BTC: variants seen among roughly 807,000 people sequenced by gnomAD.
BTC encodes the protein probetacellulin.
A neutral mutation model predicts 18.1 loss-of-function variants in BTC; 13 were observed. The observed-to-expected ratio is 0.72, with a 90% CI of 0.47 to 1.14. The LOEUF (loss-of-function observed/expected upper bound fraction) is 1.14, where lower values mean the gene tolerates loss of function less well. Among genes scored for constraint, BTC ranks in the 50% most tolerant of loss-of-function variants. BTC has a pLI of 0.00. For synonymous variants in BTC, 83 were observed against 79.4 expected, an observed-to-expected ratio of 1.05 and a Z score of -0.24; for missense variants, 247 against 224.2, an observed-to-expected ratio of 1.10 and a Z score of -0.65.
Position 74,794,248 on chromosome 4 carries a change from G to T in BTC, c.64+14C>A, listed in dbSNP as rs1435022031. On this transcript the variant is annotated intron_variant, in intron 1 of 5. Coordinates refer to ENST00000395743, the MANE Select transcript of BTC (RefSeq NM_001729.4). ...CTTTCCTCCTGGTTTCCAGTGCCCA[G>T]CACGGCCACTTACCCAGGGCAAGGG... The T allele has an allele frequency of 3.2e-6, 5 of 1,550,014 alleles. No individual in the cohort carries two copies. Among genetic ancestry groups the T allele is most frequent in the Non-Finnish European group, 4.4e-6 (5 of 1,146,760 alleles).
At position 74,794,248 on chromosome 4, in the gene BTC, G is replaced by A; in HGVS notation, c.64+14C>T. On this transcript the variant is annotated intron_variant, in intron 1 of 5. Transcript: ENST00000395743. ...CTTTCCTCCTGGTTTCCAGTGCCCA[G>A]CACGGCCACTTACCCAGGGCAAGGG... 6.5e-7 allele frequency: 1 copy of A among 1,550,134 alleles called. No homozygotes were observed.
intron 1 of BTC, among the ~76,000 whole-genome samples, chr4:74,783,462 T>G (rs1725391698): frequency 6.6e-6 from 1 of 152,138 alleles, no homozygotes; most frequent in Non-Finnish European, 1.5e-5. Flanking sequence ...GGTCTATGTG[T>G]CTGTTCTTGT....
chr4:74,755,681 G>A (rs574844362), intron 3 of BTC, among the ~76,000 whole-genome samples, 178 bp downstream of exon 3: 8 of 152,330 alleles, frequency 5.3e-5, no homozygotes, highest in East Asian at 1.9e-4. Flanking sequence ...GAAAGTGTGC[G>A]TCAGTTTCTC....
At chr4:74,787,397 C>T (rs1469693351) in intron 1 of BTC, among the ~76,000 whole-genome samples, 3 of 152,056 alleles carry the variant, frequency 2.0e-5, no homozygotes. Flanking sequence ...TTAAATATTG[C>T]CTCTCCCTCC....
At chr4:74,754,960 C>CACACACACACAT in intron 3 of BTC, among the ~76,000 whole-genome samples, 1 of 151,856 alleles carries the variant, frequency 6.6e-6, no homozygotes, top group South Asian at 2.1e-4. Flanking sequence ...CACACACACA[C>CACACACACACAT]ACACACTCAC....
intron 1 of BTC, among the ~76,000 whole-genome samples, chr4:74,785,258 G>T (rs1172869465): frequency 2.0e-5 from 3 of 152,016 alleles, no homozygotes; most frequent in Non-Finnish European, 4.4e-5. Context: ...ATTTCTGTGG[G>T]TCAGTGGTGA....
intron 1 of BTC, among the ~76,000 whole-genome samples, chr4:74,782,745 C>T (rs982043339): frequency 2.0e-5 from 3 of 152,126 alleles, no homozygotes; most frequent in Non-Finnish European, 2.9e-5. Context: ...CTTTTCTCTG[C>T]AACTCCACCA....
intron 1 of BTC, among the ~76,000 whole-genome samples, chr4:74,774,984 G>GA (rs1560719903): frequency 1.3e-5 from 2 of 152,122 alleles, no homozygotes; most frequent in East Asian, 3.9e-4. Flanking sequence ...GACTGGAAGT[G>GA]AAAAAAAGGA....
chr4:74,777,825 A>G (rs181831587), intron 1 of BTC, among the ~76,000 whole-genome samples: 1 of 152,312 alleles, frequency 6.6e-6, no homozygotes, highest in East Asian at 1.9e-4. Context: ...ATAACTAAAA[A>G]TCAAGTGAAT....
chr4:74,782,756 G>T (rs1671428692), intron 1 of BTC, among the ~76,000 whole-genome samples: 1 of 152,080 alleles, frequency 6.6e-6, no homozygotes, highest in African/African-American at 2.4e-5. Context: ...AACTCCACCA[G>T]CATCTGTAGT....
chr4:74,767,108 A>T (rs192939381), intron 2 of BTC, among the ~76,000 whole-genome samples: 126 of 139,764 alleles, frequency 9.0e-4, no homozygotes, highest in Non-Finnish European at 1.3e-3. Context: ...AGGAATCTAA[A>T]TTGGAAAAAA....
intron 2 of BTC, among the ~76,000 whole-genome samples, chr4:74,760,851 C>T (rs1323324196): frequency 2.0e-5 from 3 of 152,036 alleles, no homozygotes; most frequent in Non-Finnish European, 4.4e-5. Context: ...TCTCCTACCT[C>T]AGCCTCCTGA....
At chr4:74,752,768 A>T (rs1553956322) in intron 3 of BTC, among the ~76,000 whole-genome samples, 1 of 152,162 alleles carries the variant, frequency 6.6e-6, no homozygotes, top group African/African-American at 2.4e-5. Flanking sequence ...ATTTTTTTCC[A>T]ACTAGCTTAA....
intron 2 of BTC, among the ~76,000 whole-genome samples, chr4:74,758,549 C>T (rs1724663330): frequency 6.6e-6 from 1 of 152,148 alleles, no homozygotes; most frequent in African/African-American, 2.4e-5. Flanking sequence ...GCAAAGCATA[C>T]CGGCCTTTAA....
intron 1 of BTC, among the ~76,000 whole-genome samples, chr4:74,780,408 A>G (rs182553086): frequency 1.3e-4 from 20 of 152,274 alleles, no homozygotes; most frequent in Non-Finnish European, 2.9e-5. Flanking sequence ...AGTGAAGTTT[A>G]TTATTTTGTG....
intron 2 of BTC, among the ~76,000 whole-genome samples, chr4:74,759,657 T>TAA (rs61506916): frequency 1.4e-5 from 2 of 146,938 alleles, no homozygotes; most frequent in African/African-American, 5.0e-5. Flanking sequence ...ACATTTAAGT[T>TAA]AAAAAAAAAA....
intron 3 of BTC, among the ~76,000 whole-genome samples, chr4:74,751,696 G>A (rs190112948): frequency 1.3e-5 from 2 of 152,242 alleles, no homozygotes; most frequent in East Asian, 3.9e-4. Flanking sequence ...AGTGATTTGA[G>A]TACTCCCCAT....
rs1285683141 is a variant in BTC at position 74,770,095 on chromosome 4, A to T, written c.126T>A (p.Asn42Lys). The change falls in exon 2 of 6, where the codon AAT becomes AAA. Residue 42 changes from asparagine to lysine, a missense_variant. Coordinates refer to ENST00000395743, the MANE Select transcript of BTC (RefSeq NM_001729.4). Reference sequence around the variant, plus strand: ...CCTCAGGGTCTCCACAGAGGAGGCCATTAGTTTCAGGACTTCTGGTGGAAT... The same window carrying T: ...CCTCAGGGTCTCCACAGAGGAGGCCTTTAGTTTCAGGACTTCTGGTGGAAT... ...DGNSTRSPET[N>K]GLLCGDPEEN... 1.9e-6 allele frequency: 3 copies of T among 1,613,400 alleles called. No individual in the cohort carries two copies. The highest frequency in any genetic ancestry group is 2.2e-5 in the South Asian group (2 of 91,006).
chr4:74,747,284 C>G (rs1724317667), intron 5 of BTC, among the ~76,000 whole-genome samples: 1 of 152,164 alleles, frequency 6.6e-6, no homozygotes, highest in African/African-American at 2.4e-5. Flanking sequence ...CTCCATTGCC[C>G]TCTGGTTTCT....
Sources: allele counts gnomAD v4.1 joint callset (sites outside exome capture counted in the v4.1 genomes callset), GRCh38; gene constraint gnomAD v4.1.1; transcripts MANE v1.5; gene names NCBI Gene and HGNC (gene_info 2026-07-23, HGNC 2026-07-21).